Variants in NT5C3A observed in about 807,000 individuals in gnomAD.
The protein encoded by NT5C3A is 5'-nucleotidase, cytosolic IIIA.
Under a neutral mutation model 40.0 loss-of-function variants are expected in NT5C3A, and 23 were observed. The observed-to-expected ratio is 0.58, with a 90% CI of 0.41 to 0.81. The LOEUF is 0.81. Among genes scored for constraint, NT5C3A ranks in the 40% least tolerant of loss-of-function variants. The pLI, the probability that NT5C3A is intolerant of heterozygous loss-of-function variation, is 0.00. For synonymous variants in NT5C3A, 130 were observed against 141.4 expected, an observed-to-expected ratio of 0.92 and a Z score of 0.57; for missense variants, 328 against 403.0, an observed-to-expected ratio of 0.81 and a Z score of 1.59.
At chr7:33,022,642 C>T (rs911240016) in intron 3 of NT5C3A, among the ~76,000 whole-genome samples, 1 of 151,994 alleles carries the variant, frequency 6.6e-6, no homozygotes, top group African/African-American at 2.4e-5. Flanking sequence ...GAGATCATAC[C>T]AAATCTGTAA....
At position 33,042,623 on chromosome 7, in the gene NT5C3A, T is replaced by C. The variant is rs144277147; in HGVS notation, c.139-15708A>G. Among the ~76,000 whole-genome samples, 521 of 152,314 alleles carry C rather than the reference T, an allele frequency of 3.4e-3. 3 individuals are homozygous for C. Among genetic ancestry groups the C allele is most frequent in the Non-Finnish European group, 1.8e-3 (123 of 68,034 alleles). On this transcript the variant is annotated intron_variant, in intron 1 of 8. Transcript: ENST00000610140. ...TGGTAAGAATTTAAAATACATCACT[T>C]TGAAAGATGATTCACAGATCACTTT...
At chr7:33,029,792 C>T in intron 1 of NT5C3A, 1 of 954,440 alleles carries the variant, frequency 1.0e-6, no homozygotes, top group Non-Finnish European at 1.5e-6. Context: ...GTCTCAAACT[C>T]CTGGGCTCAA....
At position 33,021,325 on chromosome 7, in the gene NT5C3A, A is replaced by G. The variant is rs944024154; in HGVS notation, c.387T>C (p.Ile129=). ...CTACAGTAAGAACAGGATCAACTTC[A>G]ATAGCGTAATATTTTTCCTTTAGTT... The part of the protein sequence containing the change: ...LLQLKEKYYA[I]EVDPVLTVEE... The change falls in exon 5 of 9, where the codon ATT becomes ATC. Residue 129 remains isoleucine (I), a synonymous_variant. Coordinates refer to ENST00000610140, the MANE Select transcript of NT5C3A (RefSeq NM_001002010.5). 4.3e-6 allele frequency: 7 copies of G among 1,612,062 alleles called. No homozygotes were observed. The highest frequency in any genetic ancestry group is 5.9e-6 in the Non-Finnish European group (7 of 1,178,620).
intron 1 of NT5C3A, among the ~76,000 whole-genome samples, chr7:33,039,593 G>C (rs78927585): frequency 2.7e-5 from 2 of 75,380 alleles, no homozygotes; most frequent in African/African-American, 9.9e-5. Context: ...TACTGTCTTC[G>C]GGTGATTAGC....
chr7:33,034,658 G>T (rs531108502), intron 1 of NT5C3A, among the ~76,000 whole-genome samples: 18 of 152,284 alleles, frequency 1.2e-4, no homozygotes, highest in African/African-American at 4.1e-4. Flanking sequence ...TAACTAAACT[G>T]ACGATGACTT....
Position 33,062,584 on chromosome 7 carries a change from G to A in NT5C3A, c.122C>T (p.Thr41Ile), listed in dbSNP as rs778943304. 1 of 1,610,256 alleles carries A rather than the reference G, an allele frequency of 6.2e-7. No homozygotes were observed. Among genetic ancestry groups the A allele is most frequent in the African/African-American group, 1.3e-5 (1 of 74,754 alleles). The change falls in exon 1 of 9, where the codon ACC becomes ATC. Residue 41 changes from threonine to isoleucine, a missense_variant. Physicochemically the swap from Thr to Ile is moderately conservative, Grantham distance 89 (BLOSUM62 -1). This residue lies in a region of NT5C3A where 280 missense variants were observed against 317.2 expected (regional missense o/e 0.88). Transcript: ENST00000610140. ...CACACTCACCATCTCGATGATCTTG[G>A]TCTTCCGCCCCGTCTTCCTCTTCAA... ...FTLKRKTGRK[T>I]KIIEMMPEFQ...
chr7:33,015,594 TGA>T (rs1785276598), intron 8 of NT5C3A, 74 bp downstream of exon 8: 7 of 933,806 alleles, frequency 7.5e-6, no homozygotes, highest in Non-Finnish European at 1.2e-5. Context: ...CTTTCTCAGG[TGA>T]CTATGGCAAC....
chr7:33,048,194 GT>G (rs1787230723), intron 1 of NT5C3A, among the ~76,000 whole-genome samples: 5 of 151,802 alleles, frequency 3.3e-5, no homozygotes, highest in African/African-American at 2.4e-5. Flanking sequence ...GTGTGTGTGT[GT>G]GTGGTTTTTT....
intron 2 of NT5C3A, among the ~76,000 whole-genome samples, chr7:33,024,469 A>G (rs1047735553): frequency 5.9e-5 from 9 of 152,060 alleles, no homozygotes; most frequent in African/African-American, 1.9e-4. Context: ...GACAAATATT[A>G]TATGTTCTTA....
rs116154878 is a variant in NT5C3A at position 33,036,300 on chromosome 7, T to C, written c.139-9385A>G. 5.9e-3 allele frequency: 2,239 copies of C among 378,752 alleles called. 47 individuals are homozygous for C. The highest frequency in any genetic ancestry group is 0.041 in the African/African-American group (1,957 of 48,294). The allele number at this position is 378,752 out of a possible 1,614,324, so 23.5% of individuals were successfully genotyped here. A position where few individuals can be genotyped will look rare whatever the true frequency, so the allele number is the denominator to read the frequency against. On this transcript the variant is annotated intron_variant, in intron 1 of 8. Transcript: ENST00000610140. ...GAGGCCGTGTTTCCAGATCAGACTA[T>C]GCTGGTTTGGGCAGATGTGACAAGA...
chr7:33,041,873 A>C (rs1786931145), intron 1 of NT5C3A, among the ~76,000 whole-genome samples: 1 of 152,198 alleles, frequency 6.6e-6, no homozygotes, highest in African/African-American at 2.4e-5. Flanking sequence ...ATCATTAGGG[A>C]ACATGGCTAC....
chr7:33,043,897 A>G (rs1409955931), intron 1 of NT5C3A, among the ~76,000 whole-genome samples: 1 of 152,164 alleles, frequency 6.6e-6, no homozygotes, highest in Admixed American at 6.6e-5. Flanking sequence ...CATACATTGT[A>G]ATTTAATTGG....
intron 1 of NT5C3A, among the ~76,000 whole-genome samples, chr7:33,053,475 C>T (rs533510159): frequency 6.6e-6 from 1 of 152,076 alleles, no homozygotes; most frequent in Non-Finnish European, 1.5e-5. Flanking sequence ...CGTGAGCCAC[C>T]GTGCCCAGCC....
chr7:33,038,883 T>C (rs1343151578), intron 1 of NT5C3A: 1 of 456,590 alleles, frequency 2.2e-6, no homozygotes, highest in South Asian at 1.5e-5. Context: ...ACATCAAGTG[T>C]AGAAGACGTG....
chr7:33,037,797 G>T (rs1786690114), intron 1 of NT5C3A, among the ~76,000 whole-genome samples: 1 of 152,100 alleles, frequency 6.6e-6, no homozygotes, highest in African/African-American at 2.4e-5. Context: ...ATATAAAGAT[G>T]TGTATGTGTA....
chr7:33,038,441 T>C (rs1022948570), intron 1 of NT5C3A, among the ~76,000 whole-genome samples: 4 of 151,490 alleles, frequency 2.6e-5, no homozygotes, highest in African/African-American at 7.3e-5. Flanking sequence ...ATCTTTCTCA[T>C]GGTCTCATCA....
chr7:33,025,182 T>C (rs1483975096), intron 2 of NT5C3A, among the ~76,000 whole-genome samples: 1 of 152,002 alleles, frequency 6.6e-6, no homozygotes, highest in East Asian at 1.9e-4. Context: ...AAATAAAAAT[T>C]TGAAAAAATC....
In NT5C3A at chr7:33,026,885, T is replaced by C. The variant is rs995753602; in HGVS notation, c.169A>G (p.Ile57Val). 8.7e-6 allele frequency: 14 copies of C among 1,612,780 alleles called. No individual in the cohort carries two copies. Among genetic ancestry groups the C allele is most frequent in the Non-Finnish European group, 1.1e-5 (13 of 1,179,646 alleles). The change falls in exon 2 of 9, where the codon ATC becomes GTC. Residue 57 changes from isoleucine (I) to valine (V), a missense_variant. Ile to Val is a conservative substitution (Grantham distance 29, BLOSUM62 3). Around this residue, in one of 3 missense-constraint regions of NT5C3A, gnomAD observed 280 missense variants for 317.2 expected, o/e 0.88. Transcript: ENST00000610140. ...MPEFQKSSVR[I>V]KNPTRVEEII... Reference sequence around the variant, plus strand: ...TCTTCTACTCTTGTAGGGTTCTTGATTCGAACTGAACTTTTCTGGAATTCT... The same window carrying C: ...TCTTCTACTCTTGTAGGGTTCTTGACTCGAACTGAACTTTTCTGGAATTCT...
chr7:33,047,352 C>T (rs991091814), intron 1 of NT5C3A, among the ~76,000 whole-genome samples: 6 of 152,008 alleles, frequency 3.9e-5, no homozygotes, highest in African/African-American at 1.4e-4. Flanking sequence ...TCTTACTGTG[C>T]CACATAAACA....
Sources: allele counts gnomAD v4.1 joint callset (sites outside exome capture counted in the v4.1 genomes callset), GRCh38; gene constraint gnomAD v4.1.1; regional missense constraint gnomAD v4.1.1; transcripts MANE v1.5; gene names NCBI Gene and HGNC (gene_info 2026-07-23, HGNC 2026-07-21).